The following DIPK1C variants were observed in gnomAD, a reference collection of about 807,000 sequenced individuals.
The protein encoded by DIPK1C is familial non-conventional Alzheimer's dementia.
In DIPK1C, 33 loss-of-function variants were observed where a neutral mutation model predicts 28.0. The ratio of observed to expected loss-of-function variants is 1.18; its 90% CI spans 0.89 to 1.58. The LOEUF is 1.58. DIPK1C is among the 40% of genes most tolerant of loss of function. DIPK1C has a pLI of 0.00. For missense variants in DIPK1C, 569 were observed against 568.5 expected (o/e 1.00, Z -0.01); for synonymous variants, 255 against 248.8 (o/e 1.02, Z -0.23).
At chr18:74,449,684 C>T (rs1206198000) in intron 1 of DIPK1C, among the ~76,000 whole-genome samples, 1 of 152,122 alleles carries the variant, frequency 6.6e-6, no homozygotes, top group African/African-American at 2.4e-5. Context: ...GATAGAAACT[C>T]AGGAACCTCG....
intron 2 of DIPK1C, among the ~76,000 whole-genome samples, chr18:74,442,529 C>T (rs1417773503): frequency 6.6e-6 from 1 of 152,130 alleles, no homozygotes; most frequent in Non-Finnish European, 1.5e-5. Context: ...CGGGGTTTCA[C>T]CGTGTTAGCC....
rs572202212 is a variant in DIPK1C, at chr18:74,442,565, C to A, written c.877-449G>T. On this transcript the variant is annotated intron_variant, in intron 2 of 3. Coordinates refer to ENST00000343998, the MANE Select transcript of DIPK1C (RefSeq NM_001044369.3). Reference sequence around the variant, plus strand: ...AGGATGGTCTCGATCTCCTGACCTCCTGATCTGCCCGCCTCGGCCTCCCAA... The same window carrying A: ...AGGATGGTCTCGATCTCCTGACCTCATGATCTGCCCGCCTCGGCCTCCCAA... Among the ~76,000 whole-genome samples the A allele has an allele frequency of 8.5e-5, 13 of 152,236 alleles. No individual in the cohort carries two copies. In the East Asian group the frequency reaches 9.7e-4, roughly 11 times the overall value.
chr18:74,457,177 A>T lies in DIPK1C; in HGVS notation c.83T>A (p.Phe28Tyr). ...GRCGRGTLLA[F>Y]AAWTAGWVLA... ...CACCCAGCCCGCGGTCCACGCGGCG[A>T]AGGCGAGGAGCGTGCCCCGCCCGCA... The change falls in exon 1 of 4, where the codon TTC (phenylalanine) becomes TAC (tyrosine). Residue 28 changes from phenylalanine to tyrosine, a missense_variant. Coordinates refer to ENST00000343998, the MANE Select transcript of DIPK1C (RefSeq NM_001044369.3). 7.4e-7 allele frequency: 1 copy of T among 1,358,618 alleles called. No homozygotes were observed. Among genetic ancestry groups the T allele is most frequent in the Non-Finnish European group, 9.4e-7 (1 of 1,058,934 alleles). The allele number at this position is 1,358,618 out of a possible 1,614,324, so 84.2% of individuals were successfully genotyped here.
chr18:74,442,144 A>C, intron 2 of DIPK1C, 28 bp from the exon 3 acceptor site: 1 of 1,612,314 alleles, frequency 6.2e-7, no homozygotes, highest in Middle Eastern at 1.7e-4. Context: ...CGGGGCTATC[A>C]AAGGGCTACT....
At chr18:74,450,272 C>T (rs1208213149) in intron 1 of DIPK1C, among the ~76,000 whole-genome samples, 1 of 152,118 alleles carries the variant, frequency 6.6e-6, no homozygotes, top group Non-Finnish European at 1.5e-5. Context: ...GCATGATACC[C>T]AAAATAGTTG....
chr18:74,442,531 G>T (rs181551679), intron 2 of DIPK1C, among the ~76,000 whole-genome samples: 5 of 151,994 alleles, frequency 3.3e-5, no homozygotes, highest in South Asian at 2.1e-4. Flanking sequence ...GGGTTTCACC[G>T]TGTTAGCCAG....
chr18:74,444,983 G>A lies in DIPK1C; in HGVS notation c.876+1623C>T, dbSNP rs753522210. 1.1e-4 allele frequency among the ~76,000 whole-genome samples: 16 copies of A among 152,140 alleles called. No individual in the cohort carries two copies. The East Asian group carries it at 1.7e-3, about 16-fold the overall frequency. On this transcript the variant is annotated intron_variant, in intron 2 of 3. Coordinates refer to ENST00000343998, the MANE Select transcript of DIPK1C (RefSeq NM_001044369.3). Reference sequence around the variant, plus strand: ...TAAAAGCATCTGATGTCGCCCACTCGGCATCACAGACCCCATCAGCCCCAG... The same window carrying A: ...TAAAAGCATCTGATGTCGCCCACTCAGCATCACAGACCCCATCAGCCCCAG...
Position 74,436,380 on chromosome 18 carries a change from G to A in DIPK1C, c.*121C>T. On this transcript the variant is annotated 3_prime_UTR_variant, in exon 4 of 4. Transcript: ENST00000343998. ...GCAGCAGCACTTGCCACTCCACAATGTGGAGACCAGAACGGCACCCCAGAG... is the reference window on the plus strand; with the variant it reads ...GCAGCAGCACTTGCCACTCCACAATATGGAGACCAGAACGGCACCCCAGAG... The A allele has an allele frequency of 2.0e-6, 2 of 980,324 alleles. No individual in the cohort carries two copies. The highest frequency in any genetic ancestry group is 3.4e-5 in the South Asian group (2 of 58,956). 60.7% of individuals were successfully genotyped at this position (980,324 alleles called of 1,614,324 possible).
At chr18:74,449,619 G>C (rs1341778384) in intron 1 of DIPK1C, among the ~76,000 whole-genome samples, 2 of 152,198 alleles carry the variant, frequency 1.3e-5, no homozygotes, top group African/African-American at 4.8e-5. Context: ...CATTGGGCGG[G>C]GATGAGGGGG....
At chr18:74,449,320 T>C (rs1986344925) in intron 1 of DIPK1C, among the ~76,000 whole-genome samples, 1 of 152,226 alleles carries the variant, frequency 6.6e-6, no homozygotes, top group African/African-American at 2.4e-5. Flanking sequence ...AGGTACTATA[T>C]GATCTTTCTA....
intron 1 of DIPK1C, among the ~76,000 whole-genome samples, chr18:74,454,863 G>A (rs961421307): frequency 2.6e-5 from 4 of 151,624 alleles, no homozygotes; most frequent in Non-Finnish European, 4.4e-5. Flanking sequence ...GATGAAAACG[G>A]TAGAAAAGGA....
intron 3 of DIPK1C, among the ~76,000 whole-genome samples, chr18:74,437,351 A>G (rs1329029912): frequency 6.6e-6 from 1 of 152,234 alleles, no homozygotes; most frequent in Non-Finnish European, 1.5e-5. Flanking sequence ...TTCTAGGAGC[A>G]GAGGTAAAAA....
chr18:74,440,317 C>T (rs1030927510), intron 3 of DIPK1C, among the ~76,000 whole-genome samples: 1 of 152,084 alleles, frequency 6.6e-6, no homozygotes, highest in Non-Finnish European at 1.5e-5. Context: ...AATTTCATTT[C>T]TAGGACTGTA....
At chr18:74,444,407 C>G (rs1169066387) in intron 2 of DIPK1C, among the ~76,000 whole-genome samples, 1 of 152,222 alleles carries the variant, frequency 6.6e-6, no homozygotes, top group African/African-American at 2.4e-5. Context: ...GGCGCCCCTT[C>G]CTTCTGCCAG....
chr18:74,451,705 G>A (rs757348258), intron 1 of DIPK1C, among the ~76,000 whole-genome samples: 35 of 152,154 alleles, frequency 2.3e-4, no homozygotes, highest in Non-Finnish European at 4.4e-4. Flanking sequence ...TGCTTCTTGC[G>A]GCGACACTGG....
At chr18:74,453,617 C>T (rs1555699443) in intron 1 of DIPK1C, among the ~76,000 whole-genome samples, 1 of 152,202 alleles carries the variant, frequency 6.6e-6, no homozygotes, top group Non-Finnish European at 1.5e-5. Flanking sequence ...GCAGTTAAGC[C>T]TTCAGGACAA....
intron 1 of DIPK1C, among the ~76,000 whole-genome samples, chr18:74,448,032 A>C (rs139862047): frequency 1.3e-5 from 2 of 152,112 alleles, no homozygotes; most frequent in Non-Finnish European, 2.9e-5. Flanking sequence ...TTTCTCCTAA[A>C]CCTCAGGAGG....
At chr18:74,449,912 G>A (rs1269244120) in intron 1 of DIPK1C, among the ~76,000 whole-genome samples, 1 of 152,186 alleles carries the variant, frequency 6.6e-6, no homozygotes, top group Non-Finnish European at 1.5e-5. Context: ...CCCAGGCACG[G>A]GGTCATGAAA....
chr18:74,446,753 ACCTGGGGCCCGGTCCAGGGGGAAGAGTGC>A lies in DIPK1C; in HGVS notation c.700_728del (p.Ala234CysfsTer12). On this transcript the variant is annotated frameshift_variant, in exon 2 of 4. Coordinates refer to ENST00000343998, the MANE Select transcript of DIPK1C (RefSeq NM_001044369.3). LOFTEE classifies it high-confidence loss of function. Reference sequence around the variant, plus strand: ...CCTTGGCCTGGCCACCCCCAGGGGCACCTGGGGCCCGGTCCAGGGGGAAGAGTGCCCTGTGGTGGGGGCTGCCCGCGGCC... The same window carrying A: ...CCTTGGCCTGGCCACCCCCAGGGGCACCTGTGGTGGGGGCTGCCCGCGGCC... 2 of 1,528,542 alleles carry A rather than the reference ACCTGGGGCCCGGTCCAGGGGGAAGAGTGC, an allele frequency of 1.3e-6. No individual in the cohort carries two copies. Among genetic ancestry groups the A allele is most frequent in the Non-Finnish European group, 1.8e-6 (2 of 1,135,684 alleles). 94.7% of individuals were successfully genotyped at this position (1,528,542 alleles called of 1,614,324 possible).
Sources: allele counts gnomAD v4.1 joint callset (sites outside exome capture counted in the v4.1 genomes callset), GRCh38; gene constraint gnomAD v4.1.1; transcripts MANE v1.5; gene names NCBI Gene and HGNC (gene_info 2026-07-23, HGNC 2026-07-21).